GABRG3: variants seen among roughly 807,000 people sequenced by gnomAD.
GABRG3 encodes gamma-aminobutyric acid type A receptor subunit gamma3.
GABRG3 carries 25 observed loss-of-function variants against 48.8 expected under a neutral mutation model. The observed-to-expected ratio is 0.51, with a 90% CI of 0.37 to 0.72. GABRG3 has a LOEUF of 0.72. Among genes scored for constraint, GABRG3 ranks in the 30% least tolerant of loss-of-function variants. The pLI is 0.00. For synonymous variants in GABRG3, 227 were observed against 217.6 expected, an observed-to-expected ratio of 1.04 and a Z score of -0.38; for missense variants, 394 against 577.9, an observed-to-expected ratio of 0.68 and a Z score of 3.26.
chr15:27,194,355 T>TACTAAAAA (rs1888429494), intron 3 of GABRG3, among the ~76,000 whole-genome samples: 1 of 152,232 alleles, frequency 6.6e-6, no homozygotes, highest in African/African-American at 2.4e-5. Context: ...CATATTTCCA[T>TACTAAAAA]ACTCTTCTTT....
At chr15:27,127,292 G>A (rs1286651933) in intron 3 of GABRG3, among the ~76,000 whole-genome samples, 1 of 152,120 alleles carries the variant, frequency 6.6e-6, no homozygotes, top group Non-Finnish European at 1.5e-5. Context: ...ATTCTTACAT[G>A]TGCTATAATA....
rs1891607333 is a variant in GABRG3, at chr15:27,538,939, A to G, written c.*6058A>G. 1.3e-5 allele frequency: 2 copies of G among 152,140 alleles called. No homozygotes were observed. The highest frequency in any genetic ancestry group is 6.5e-5 in the Admixed American group (1 of 15,284). 9.4% of individuals were successfully genotyped at this position (152,140 alleles called of 1,614,324 possible). A position where few individuals can be genotyped will look rare whatever the true frequency, so the allele number is the denominator to read the frequency against. ...GATACATGAGCGAGCCCACAGCACA[A>G]TTATTGCAGTCCCCAAGATGTCAGT... On this transcript the variant is annotated 3_prime_UTR_variant, in exon 10 of 10. Coordinates refer to ENST00000615808, the MANE Select transcript of GABRG3 (RefSeq NM_033223.5).
intron 3 of GABRG3, among the ~76,000 whole-genome samples, chr15:27,264,822 C>T (rs1343786792): frequency 6.6e-6 from 1 of 151,798 alleles, no homozygotes; most frequent in Non-Finnish European, 1.5e-5. Context: ...ATCGTCTCTC[C>T]CTCTTTCCTC....
chr15:27,173,842 A>G (rs1298168707), intron 3 of GABRG3, among the ~76,000 whole-genome samples: 1 of 152,146 alleles, frequency 6.6e-6, no homozygotes, highest in Non-Finnish European at 1.5e-5. Context: ...TGATCATGAT[A>G]CTGTACTCCA....
chr15:27,022,942 T>C (rs563722063), intron 2 of GABRG3, among the ~76,000 whole-genome samples: 3 of 152,294 alleles, frequency 2.0e-5, no homozygotes, highest in African/African-American at 7.2e-5. Flanking sequence ...TAGGACCACC[T>C]CAATCCATCA....
intron 5 of GABRG3, among the ~76,000 whole-genome samples, chr15:27,391,087 CAAA>C (rs754876404): frequency 7.5e-6 from 1 of 132,852 alleles, no homozygotes; most frequent in Non-Finnish European, 1.6e-5. Context: ...GACTCCATCT[CAAA>C]AAAAAAAAAG....
rs1007709551 is a variant in GABRG3, at chr15:27,530,461, G to A, written c.1123-2139G>A. ...CTGTTTAGGGCTCTTAACATCTTAC[G>A]TTTTGCTTCAGTCTTATAAAATGGA... is the stretch of plus-strand genomic sequence containing the variant. On this transcript the variant is annotated intron_variant, in intron 9 of 9. Coordinates refer to ENST00000615808, the MANE Select transcript of GABRG3 (RefSeq NM_033223.5). 3.9e-5 allele frequency among the ~76,000 whole-genome samples: 6 copies of A among 152,160 alleles called. No individual in the cohort carries two copies. The East Asian group carries it at 5.8e-4, about 15-fold the overall frequency.
chr15:27,415,308 A>G (rs1241056092), intron 5 of GABRG3, among the ~76,000 whole-genome samples: 5 of 152,034 alleles, frequency 3.3e-5, no homozygotes, highest in African/African-American at 1.2e-4. Context: ...CCTGAGCTGT[A>G]TCCATCTCCT....
intron 5 of GABRG3, among the ~76,000 whole-genome samples, chr15:27,388,339 G>A (rs1896094048): frequency 1.6e-5 from 1 of 64,426 alleles, no homozygotes; most frequent in African/African-American, 6.5e-5. Context: ...AGGAAGGAAA[G>A]GTGGGAGGGA....
chr15:27,068,341 G>A (rs939692556), intron 3 of GABRG3, among the ~76,000 whole-genome samples: 1 of 152,154 alleles, frequency 6.6e-6, no homozygotes, highest in Admixed American at 6.5e-5. Context: ...CCTGCGGCTG[G>A]AGGAGCCATC....
rs538229557 is a variant in GABRG3, at chr15:27,446,621, G to A, written c.575-34029G>A. On this transcript the variant is annotated intron_variant, in intron 5 of 9. Transcript: ENST00000615808. ...ACTTATTTTGTTTAATTAATCTTAT[G>A]TATTTTATTCTTTTTGAGGCTATTG... Among the ~76,000 whole-genome samples the A allele has an allele frequency of 1.9e-4, 29 of 152,174 alleles. No individual in the cohort carries two copies. The South Asian group carries it at 5.6e-3, about 29-fold the overall frequency.
chr15:27,355,678 A>AT (rs1285111663), intron 5 of GABRG3, among the ~76,000 whole-genome samples: 1 of 152,276 alleles, frequency 6.6e-6, no homozygotes, highest in Non-Finnish European at 1.5e-5. Flanking sequence ...ATGAATGTGC[A>AT]TAGCAGCATT....
At chr15:27,313,592 G>A (rs1404305861) in intron 3 of GABRG3, among the ~76,000 whole-genome samples, 1 of 151,586 alleles carries the variant, frequency 6.6e-6, no homozygotes, top group Non-Finnish European at 1.5e-5. Flanking sequence ...AAATTACAAA[G>A]CAAGTCTCAA....
intron 3 of GABRG3, among the ~76,000 whole-genome samples, chr15:27,229,774 G>A (rs1272302902): frequency 1.3e-5 from 2 of 152,232 alleles, no homozygotes; most frequent in Admixed American, 1.3e-4. Context: ...TCTGCGCCCA[G>A]CTATGTGCCT....
chr15:27,017,391 G>A (rs1237868745), intron 2 of GABRG3, among the ~76,000 whole-genome samples: 1 of 152,116 alleles, frequency 6.6e-6, no homozygotes, highest in Non-Finnish European at 1.5e-5. Flanking sequence ...TTTCTTTGGT[G>A]GTGTAGCAAA....
intron 6 of GABRG3, chr15:27,481,177 GA>G: frequency 9.9e-7 from 1 of 1,012,932 alleles, no homozygotes. Context: ...TATGTCCTTT[GA>G]GTTTCAATTG....
chr15:27,334,729 C>T (rs911111298), intron 5 of GABRG3, among the ~76,000 whole-genome samples: 5 of 151,984 alleles, frequency 3.3e-5, no homozygotes, highest in Non-Finnish European at 5.9e-5. Context: ...TGAACTTATA[C>T]GATAGTTAAT....
chr15:27,158,653 A>G (rs1389519813), intron 3 of GABRG3, among the ~76,000 whole-genome samples: 1 of 152,204 alleles, frequency 6.6e-6, no homozygotes, highest in African/African-American at 2.4e-5. Flanking sequence ...TTTTTAAATA[A>G]TGTGCCAAGG....
intron 5 of GABRG3, among the ~76,000 whole-genome samples, chr15:27,381,411 C>A (rs935367428): frequency 2.6e-5 from 4 of 152,188 alleles, no homozygotes; most frequent in Non-Finnish European, 5.9e-5. Flanking sequence ...AAGTAAAATT[C>A]ATGAAAGTAG....
Sources: gnomAD v4.1 joint callset for allele counts (sites outside exome capture counted in the v4.1 genomes callset) on GRCh38, gnomAD v4.1.1 for gene constraint, MANE v1.5 for transcripts, NCBI Gene and HGNC (gene_info 2026-07-23, HGNC 2026-07-21) for gene names.